FBXO25: variants seen among roughly 807,000 people sequenced by gnomAD.
FBXO25 encodes the protein F-box only protein 25.
Under a neutral mutation model 51.9 loss-of-function variants are expected in FBXO25, and 45 were observed. The observed-to-expected ratio is 0.87, with a 90% CI of 0.68 to 1.11. The LOEUF (loss-of-function observed/expected upper bound fraction) is 1.11. Among genes scored for constraint, FBXO25 ranks in the 50% most tolerant of loss-of-function variants. The probability of loss-of-function intolerance (pLI) is 0.00; values close to 1 mark genes in which losing one functional copy is unlikely to be tolerated. For missense variants in FBXO25, 507 were observed against 428.5 expected (o/e 1.18, Z -1.62); for synonymous variants, 199 against 151.0 (o/e 1.32, Z -2.33).
chr8:416,778 G>C (rs1287579256), intron 2 of FBXO25, among the ~76,000 whole-genome samples: 1 of 152,228 alleles, frequency 6.6e-6, no homozygotes, highest in South Asian at 2.1e-4. Flanking sequence ...ACTATGTGCT[G>C]TGGTGTCAGG....
At chr8:453,466 T>C (rs111844194) in intron 7 of FBXO25, among the ~76,000 whole-genome samples, 2,809 of 152,140 alleles carry the variant, frequency 0.018, 44 homozygotes, top group Non-Finnish European at 0.028. Flanking sequence ...AGTTTTACCT[T>C]TCTGGGAATG....
intron 2 of FBXO25, among the ~76,000 whole-genome samples, chr8:431,066 T>C (rs1167585135): frequency 6.6e-6 from 1 of 152,200 alleles, no homozygotes; most frequent in Non-Finnish European, 1.5e-5. Flanking sequence ...AATCTCTGTT[T>C]TAATAAGGCA....
rs1318259933 is a variant in FBXO25, at chr8:477,202, ACTGT to A, written c.*8401_*8404del. The A allele has an allele frequency of 6.6e-6, 1 of 152,206 alleles. No homozygotes were observed. Among genetic ancestry groups the A allele is most frequent in the Non-Finnish European group, 1.5e-5 (1 of 68,042 alleles). The allele number at this position is 152,206 out of a possible 1,614,324, so 9.4% of individuals were successfully genotyped here. On this transcript the variant is annotated 3_prime_UTR_variant, in exon 10 of 10. Coordinates refer to ENST00000350302, the MANE Select transcript of FBXO25 (RefSeq NM_183420.2). ...GTTGACTTGTTTAGTCATCTAACATACTGTCTATCCTAGAGAAAGGTCCATTTGC... is the reference window on the plus strand; with the variant it reads ...GTTGACTTGTTTAGTCATCTAACATACTATCCTAGAGAAAGGTCCATTTGC...
chr8:412,851 G>A (rs936354960), intron 1 of FBXO25, among the ~76,000 whole-genome samples: 20 of 152,092 alleles, frequency 1.3e-4, no homozygotes, highest in South Asian at 4.1e-4. Flanking sequence ...CATGGGATAC[G>A]CAGTATTAGG....
chr8:417,380 A>T (rs1796873030), intron 2 of FBXO25, among the ~76,000 whole-genome samples: 1 of 152,340 alleles, frequency 6.6e-6, no homozygotes, highest in East Asian at 1.9e-4. Context: ...CCCCCATGGG[A>T]AATGATCATG....
intron 5 of FBXO25, among the ~76,000 whole-genome samples, chr8:441,153 G>A (rs1279787537): frequency 3.3e-5 from 5 of 151,548 alleles, no homozygotes; most frequent in Non-Finnish European, 1.5e-5. Context: ...GCATGATACT[G>A]GTACCAAAAC....
In FBXO25 at chr8:472,022, G is replaced by C. The variant is rs1236933074; in HGVS notation, c.*3218G>C. 6.6e-6 allele frequency: 1 copy of C among 152,178 alleles called. No individual in the cohort carries two copies. The highest frequency in any genetic ancestry group is 1.5e-5 in the Non-Finnish European group (1 of 68,034). 9.4% of individuals were successfully genotyped at this position (152,178 alleles called of 1,614,324 possible). A position where few individuals can be genotyped will look rare whatever the true frequency, so the allele number is the denominator to read the frequency against. ...TACAAAATCATGTCATCTATGAATA[G>C]ACAGTTTCACTTCTTCCTCTCAGTC... On this transcript the variant is annotated 3_prime_UTR_variant, in exon 10 of 10. Transcript: ENST00000350302.
chr8:448,665 A>G (rs964214852), intron 5 of FBXO25, among the ~76,000 whole-genome samples: 1 of 152,250 alleles, frequency 6.6e-6, no homozygotes, highest in African/African-American at 2.4e-5. Flanking sequence ...GTGACGGAGC[A>G]GAGTGTGAGT....
intron 7 of FBXO25, among the ~76,000 whole-genome samples, chr8:455,961 C>T (rs980583329): frequency 7.9e-5 from 12 of 152,214 alleles, no homozygotes; most frequent in Non-Finnish European, 1.6e-4. Flanking sequence ...ATCCCAAATG[C>T]TGAGTTGTCA....
chr8:439,248 C>G (rs1028344334), intron 5 of FBXO25, among the ~76,000 whole-genome samples: 27 of 152,230 alleles, frequency 1.8e-4, no homozygotes, highest in Non-Finnish European at 1.3e-4. Flanking sequence ...CCCCTCGCCC[C>G]TCTGGCAGCC....
At position 463,163 on chromosome 8, in the gene FBXO25, A is replaced by T. The variant is rs774465507; in HGVS notation, c.987+13A>T. 2.5e-6 allele frequency: 4 copies of T among 1,606,738 alleles called. No homozygotes were observed. The Admixed American group carries it at 7.0e-5, about 28-fold the overall frequency. On this transcript the variant is annotated intron_variant, in intron 9 of 9. Transcript: ENST00000350302. ...TCTCTTTTGGAAGGTACTGATTTAA[A>T]TGCACTCTTGGAATTTCAGGATTAA...
intron 8 of FBXO25, among the ~76,000 whole-genome samples, chr8:462,695 CG>C (rs904043067): frequency 1.3e-5 from 2 of 152,046 alleles, no homozygotes; most frequent in African/African-American, 4.8e-5. Context: ...AGGTAAGCCA[CG>C]GGTACACAAA....
chr8:425,319 C>G (rs1404832322), intron 2 of FBXO25, among the ~76,000 whole-genome samples: 1 of 151,722 alleles, frequency 6.6e-6, no homozygotes, highest in Non-Finnish European at 1.5e-5. Context: ...CTCTTTTAAT[C>G]TACACATTTT....
intron 9 of FBXO25, among the ~76,000 whole-genome samples, chr8:467,533 A>C (rs874074): frequency 0.11 from 16,994 of 152,254 alleles, 1,037 homozygotes; most frequent in South Asian, 0.18. Flanking sequence ...TCTGATGAGA[A>C]CTTGTTTGCT....
rs570512724 is a variant in FBXO25, at chr8:474,578, G to C, written c.*5774G>C. On this transcript the variant is annotated 3_prime_UTR_variant, in exon 10 of 10. Coordinates refer to ENST00000350302, the MANE Select transcript of FBXO25 (RefSeq NM_183420.2). ...TTTTTAATAATTGCCATCCTAATGA[G>C]TGTGAAGTGGTATCCTGCTGAGATT... The C allele has an allele frequency of 4.8e-5, 18 of 377,024 alleles. No individual in the cohort carries two copies. The East Asian group carries it at 1.2e-3, about 26-fold the overall frequency. The allele number at this position is 377,024 out of a possible 1,614,324, so 23.4% of individuals were successfully genotyped here. A position where few individuals can be genotyped will look rare whatever the true frequency, so the allele number is the denominator to read the frequency against.
chr8:448,746 CTAAGA>C (rs1798891221), intron 5 of FBXO25, among the ~76,000 whole-genome samples: 1 of 152,062 alleles, frequency 6.6e-6, no homozygotes, highest in Admixed American at 6.5e-5. Context: ...CAGGGAGGCA[CTAAGA>C]TGTTATTCAC....
intron 9 of FBXO25, among the ~76,000 whole-genome samples, chr8:463,403 G>C (rs1304326277): frequency 2.0e-5 from 3 of 152,130 alleles, no homozygotes; most frequent in Admixed American, 2.0e-4. Context: ...CGTTGCAGGC[G>C]GATTGCAGCC....
intron 2 of FBXO25, among the ~76,000 whole-genome samples, chr8:414,719 C>T (rs1255969512): frequency 6.6e-6 from 1 of 152,192 alleles, no homozygotes; most frequent in African/African-American, 2.4e-5. Flanking sequence ...ACAGATCCGC[C>T]CCTTTGAACC....
intron 2 of FBXO25, among the ~76,000 whole-genome samples, chr8:422,150 T>G (rs1392542353): frequency 6.6e-6 from 1 of 152,058 alleles, no homozygotes; most frequent in African/African-American, 2.4e-5. Context: ...ATCTGCCAAG[T>G]CTCCCCCCAA....
Sources: gnomAD v4.1 joint callset for allele counts (sites outside exome capture counted in the v4.1 genomes callset) on GRCh38, gnomAD v4.1.1 for gene constraint, MANE v1.5 for transcripts, NCBI Gene and HGNC (gene_info 2026-07-23, HGNC 2026-07-21) for gene names.